Variants in LRP1B observed in about 807,000 individuals in gnomAD.
The protein encoded by LRP1B is low-density lipoprotein receptor-related protein 1B.
LRP1B carries 217 observed loss-of-function variants against 556.6 expected under a neutral mutation model. That is an observed-to-expected ratio of 0.39 (90% CI 0.35 to 0.44). The LOEUF (loss-of-function observed/expected upper bound fraction) is 0.44. Ranked by LOEUF, LRP1B falls within the 20% of genes least tolerant of loss-of-function variation. LRP1B has a pLI of 1.00. For synonymous variants in LRP1B, 2,047 were observed against 1,865.8 expected (o/e 1.10, Z -2.50); for missense variants, 5,053 against 5,620.8 (o/e 0.90, Z 3.23).
At chr2:140,398,364 C>A (rs1684344175) in intron 66 of LRP1B, among the ~76,000 whole-genome samples, 1 of 152,056 alleles carries the variant, frequency 6.6e-6, no homozygotes, top group Non-Finnish European at 1.5e-5. Context: ...AATGTAGATA[C>A]TTGTTTTATA....
At chr2:141,207,292 TATAAAG>T (rs1682329202) in intron 6 of LRP1B, among the ~76,000 whole-genome samples, 2 of 152,218 alleles carry the variant, frequency 1.3e-5, no homozygotes, top group Non-Finnish European at 2.9e-5. Context: ...ATGAATATTC[TATAAAG>T]ATAAATTACA....
rs751187059 is a variant in LRP1B at position 141,712,087 on chromosome 2, G to A, written c.205+98192C>T. Among the ~76,000 whole-genome samples, 58 of 152,104 alleles carry A rather than the reference G, an allele frequency of 3.8e-4. 1 individual carries two copies. The highest frequency in any genetic ancestry group is 7.1e-4 in the Non-Finnish European group (48 of 68,020). On this transcript the variant is annotated intron_variant, in intron 2 of 90. Coordinates refer to ENST00000389484, the MANE Select transcript of LRP1B (RefSeq NM_018557.3). ...CCCACCCACACAAAAAGGGAGGACA[G>A]CCAAATTCACTTGAAAATCAAATGT...
intron 2 of LRP1B, among the ~76,000 whole-genome samples, chr2:141,622,092 T>C (rs1437021287): frequency 6.6e-6 from 1 of 152,060 alleles, no homozygotes; most frequent in Non-Finnish European, 1.5e-5. Flanking sequence ...GGTTTCTCCA[T>C]GTTGGTCAGG....
intron 1 of LRP1B, among the ~76,000 whole-genome samples, chr2:142,014,166 C>G (rs1703042802): frequency 7.3e-6 from 1 of 136,990 alleles, no homozygotes; most frequent in African/African-American, 3.7e-5. Flanking sequence ...GCTGTACTTT[C>G]ACCACTTCGC....
In LRP1B at chr2:140,322,108, CAAAG is replaced by C. The variant is rs763290032; in HGVS notation, c.12515-24_12515-21del. The C allele has an allele frequency of 1.9e-6, 3 of 1,606,000 alleles. No homozygotes were observed. The highest frequency in any genetic ancestry group is 2.7e-5 in the African/African-American group (2 of 74,222). ...TGGGTACTGGTGAAACAAAAGAAAACAAAGAAGTGTGTAAATATAGATACAATAG... is the reference window on the plus strand; with the variant it reads ...TGGGTACTGGTGAAACAAAAGAAAACAAGTGTGTAAATATAGATACAATAG... On this transcript the variant is annotated intron_variant, in intron 81 of 90. Transcript: ENST00000389484.
At chr2:140,812,342 G>C (rs1313903198) in intron 32 of LRP1B, among the ~76,000 whole-genome samples, 2 of 151,964 alleles carry the variant, frequency 1.3e-5, no homozygotes, top group East Asian at 3.9e-4. Flanking sequence ...AATTGAAATA[G>C]AGATCATCTT....
intron 7 of LRP1B, among the ~76,000 whole-genome samples, chr2:141,165,348 A>ATTTG (rs141482928): frequency 6.6e-6 from 1 of 151,454 alleles, no homozygotes; most frequent in Non-Finnish European, 1.5e-5. Flanking sequence ...ATTTTTGTTT[A>ATTTG]TTTATTTATT....
At chr2:140,917,215 A>T (rs1025829146) in intron 21 of LRP1B, among the ~76,000 whole-genome samples, 7 of 152,328 alleles carry the variant, frequency 4.6e-5, no homozygotes, top group Non-Finnish European at 8.8e-5. Context: ...AAGGATATAG[A>T]GCAGCAGAAA....
At chr2:140,961,811 A>G (rs905971173) in intron 18 of LRP1B, among the ~76,000 whole-genome samples, 1 of 152,156 alleles carries the variant, frequency 6.6e-6, no homozygotes, top group Non-Finnish European at 1.5e-5. Flanking sequence ...ATTATGTTCT[A>G]GTCAAGAGGA....
intron 3 of LRP1B, among the ~76,000 whole-genome samples, chr2:141,323,324 C>G (rs893876004): frequency 6.6e-6 from 1 of 152,020 alleles, no homozygotes; most frequent in Non-Finnish European, 1.5e-5. Context: ...ATATCCAATA[C>G]AGCATATTTC....
At chr2:141,521,486 T>C (rs914352888) in intron 2 of LRP1B, among the ~76,000 whole-genome samples, 8 of 149,376 alleles carry the variant, frequency 5.4e-5, no homozygotes, top group African/African-American at 1.7e-4. Context: ...ACTAAGAAAA[T>C]TGGAGAAATT....
intron 3 of LRP1B, among the ~76,000 whole-genome samples, chr2:141,341,632 C>T (rs376686647): frequency 6.6e-6 from 1 of 152,166 alleles, no homozygotes. Flanking sequence ...CAGTTTTTAG[C>T]TTTCCTTGTA....
At chr2:140,962,295 T>C (rs934828076) in intron 18 of LRP1B, among the ~76,000 whole-genome samples, 2 of 152,160 alleles carry the variant, frequency 1.3e-5, no homozygotes, top group Admixed American at 1.3e-4. Flanking sequence ...CCACAACCAC[T>C]ATCCCCCATG....
chr2:141,438,591 T>C (rs930387868), intron 3 of LRP1B, among the ~76,000 whole-genome samples: 1 of 152,082 alleles, frequency 6.6e-6, no homozygotes, highest in East Asian at 1.9e-4. Flanking sequence ...ATCTCTTACG[T>C]TGGGAACAGG....
At chr2:140,377,362 A>AC (rs1237506911) in intron 68 of LRP1B, among the ~76,000 whole-genome samples, 1 of 152,192 alleles carries the variant, frequency 6.6e-6, no homozygotes, top group Non-Finnish European at 1.5e-5. Flanking sequence ...GGCGTAAGCC[A>AC]CCATGCCCGG....
intron 2 of LRP1B, among the ~76,000 whole-genome samples, chr2:141,808,414 G>C (rs1029550722): frequency 3.9e-5 from 6 of 152,044 alleles, no homozygotes; most frequent in African/African-American, 7.2e-5. Flanking sequence ...GATACCACTT[G>C]AAAAGGAGAG....
intron 1 of LRP1B, among the ~76,000 whole-genome samples, chr2:142,102,642 CA>C (rs1175770510): frequency 6.6e-6 from 1 of 151,476 alleles, no homozygotes; most frequent in East Asian, 1.9e-4. Context: ...AGTTAGAATG[CA>C]AATCTTTTGC....
At chr2:141,041,110 C>T (rs570702652) in intron 11 of LRP1B, among the ~76,000 whole-genome samples, 107 of 151,986 alleles carry the variant, frequency 7.0e-4, no homozygotes, top group Non-Finnish European at 1.0e-3. Context: ...TAATTTTGAA[C>T]GAGATCCAAG....
Position 141,254,509 on chromosome 2 carries a change from A to G in LRP1B, c.463+13T>C. Reference sequence around the variant, plus strand: ...TATAAACAAAATTTGATGGCGTTATATGTTTTACTTACCTTTACAGCTTCT... The same window carrying G: ...TATAAACAAAATTTGATGGCGTTATGTGTTTTACTTACCTTTACAGCTTCT... On this transcript the variant is annotated intron_variant, in intron 4 of 90. Coordinates refer to ENST00000389484, the MANE Select transcript of LRP1B (RefSeq NM_018557.3). The G allele has an allele frequency of 2.5e-6, 4 of 1,610,746 alleles. No homozygotes were observed. The highest frequency in any genetic ancestry group is 2.5e-6 in the Non-Finnish European group (3 of 1,177,942).
Sources: gnomAD v4.1 joint callset for allele counts (sites outside exome capture counted in the v4.1 genomes callset) on GRCh38, gnomAD v4.1.1 for gene constraint, MANE v1.5 for transcripts, NCBI Gene and HGNC (gene_info 2026-07-23, HGNC 2026-07-21) for gene names.